The following SPSB1 variants were observed in gnomAD, a reference collection of about 807,000 sequenced individuals.
SPSB1 encodes SPRY domain-containing SOCS box protein 1.
SPSB1 carries 8 observed loss-of-function variants against 21.2 expected under a neutral mutation model. The ratio of observed to expected loss-of-function variants is 0.38; its 90% confidence interval spans 0.22 to 0.68. The LOEUF (loss-of-function observed/expected upper bound fraction) is 0.68. SPSB1 is among the 30% of genes least tolerant of loss of function. The probability of loss-of-function intolerance (pLI) is 0.53; values close to 1 mark genes in which losing one functional copy is unlikely to be tolerated. For missense variants in SPSB1, 242 were observed against 377.8 expected (o/e 0.64, Z 2.98); for synonymous variants, 169 against 161.7 (o/e 1.05, Z -0.34).
At position 9,361,156 on chromosome 1, in the gene SPSB1, C is replaced by CCTTTTTTTTTTTTTTTTTTTTT. The variant is rs1553128958; in HGVS notation, c.694+4571_694+4572insCTTTTTTTTTTTTTTTTTTTTT. On this transcript the variant is annotated intron_variant, in intron 2 of 2. Coordinates refer to ENST00000328089, the MANE Select transcript of SPSB1 (RefSeq NM_025106.4). The stretch of plus-strand genomic sequence containing the variant: ...CAGGCATGGCTGGATCTGTCATTTT[C>CCTTTTTTTTTTTTTTTTTTTTT]TTTTTTTTTTTTTTTTTTTTTTTTT... Among the ~76,000 whole-genome samples, 98 of 102,570 alleles carry CCTTTTTTTTTTTTTTTTTTTTT rather than the reference C, an allele frequency of 9.6e-4. 18 individuals carry two copies. The highest frequency in any genetic ancestry group is 1.5e-3 in the East Asian group (5 of 3,420). 67.3% of individuals were successfully genotyped at this position (102,570 alleles called of 152,430 possible).
intron 1 of SPSB1, among the ~76,000 whole-genome samples, chr1:9,300,090 C>T (rs954856087): frequency 9.2e-5 from 14 of 151,814 alleles, no homozygotes; most frequent in Middle Eastern, 3.2e-3. Flanking sequence ...ACATGTCAAG[C>T]GATGGGAAAT....
intron 2 of SPSB1, among the ~76,000 whole-genome samples, chr1:9,358,655 C>A (rs1157594848): frequency 6.6e-6 from 1 of 152,242 alleles, no homozygotes. Context: ...AATGTCCATT[C>A]TTTGCAGACA....
chr1:9,310,338 CAT>C (rs1206279852), intron 1 of SPSB1, among the ~76,000 whole-genome samples: 1 of 152,198 alleles, frequency 6.6e-6, no homozygotes, highest in African/African-American at 2.4e-5. Context: ...AAAGGCATCT[CAT>C]GTGAGGTTCT....
intron 2 of SPSB1, among the ~76,000 whole-genome samples, chr1:9,361,159 T>C (rs1337802440): frequency 0.034 from 1,144 of 33,224 alleles, 165 homozygotes; most frequent in East Asian, 0.079. Context: ...TCATTTTCTT[T>C]TTTTTTTTTT....
At chr1:9,323,760 G>T (rs1639765406) in intron 1 of SPSB1, among the ~76,000 whole-genome samples, 1 of 152,148 alleles carries the variant, frequency 6.6e-6, no homozygotes, top group South Asian at 2.1e-4. Context: ...AGGCCTCAGT[G>T]AGACAGTGCT....
At chr1:9,313,462 G>T (rs1231030750) in intron 1 of SPSB1, among the ~76,000 whole-genome samples, 2 of 152,202 alleles carry the variant, frequency 1.3e-5, no homozygotes, top group African/African-American at 2.4e-5. Flanking sequence ...GCACAGCCAA[G>T]AACTCAAGCT....
intron 1 of SPSB1, among the ~76,000 whole-genome samples, chr1:9,325,215 T>TCC (rs1264494421): frequency 8.7e-4 from 22 of 25,322 alleles, no homozygotes; most frequent in Non-Finnish European, 1.1e-3. Flanking sequence ...AGCCAATGCC[T>TCC]CCCACCACCA....
chr1:9,316,219 TG>T (rs1639610561), intron 1 of SPSB1, among the ~76,000 whole-genome samples: 1 of 152,088 alleles, frequency 6.6e-6, no homozygotes, highest in African/African-American at 2.4e-5. Flanking sequence ...TCCCTGACCC[TG>T]GGGCTCCGGC....
At chr1:9,304,351 A>C (rs1639379391) in intron 1 of SPSB1, among the ~76,000 whole-genome samples, 1 of 152,260 alleles carries the variant, frequency 6.6e-6, no homozygotes, top group East Asian at 1.9e-4. Context: ...CTCAGCCTCC[A>C]TAACCGATGA....
intron 2 of SPSB1, among the ~76,000 whole-genome samples, chr1:9,360,939 C>T (rs1354878038): frequency 1.3e-5 from 2 of 152,116 alleles, no homozygotes; most frequent in East Asian, 1.9e-4. Context: ...GAAAGATGAG[C>T]CCGGAGCTCC....
chr1:9,328,056 T>C (rs1162493492), intron 1 of SPSB1, among the ~76,000 whole-genome samples: 5 of 152,224 alleles, frequency 3.3e-5, no homozygotes, highest in Non-Finnish European at 7.3e-5. Flanking sequence ...GTGTGGACTT[T>C]TCAGAGAGTT....
At chr1:9,334,514 C>A (rs1416744141) in intron 1 of SPSB1, among the ~76,000 whole-genome samples, 1 of 152,242 alleles carries the variant, frequency 6.6e-6, no homozygotes, top group Non-Finnish European at 1.5e-5. Flanking sequence ...AGCCACCGTG[C>A]CTGGCCAAAT....
chr1:9,331,911 C>G (rs1639927991), intron 1 of SPSB1, among the ~76,000 whole-genome samples: 1 of 152,154 alleles, frequency 6.6e-6, no homozygotes, highest in African/African-American at 2.4e-5. Flanking sequence ...TTTACTTTTT[C>G]TTTGCATTGT....
Position 9,348,872 on chromosome 1 carries a change from AAC to A in SPSB1, c.-149-6868_-149-6867del, listed in dbSNP as rs1640205332. ...CACCCCGTCCCATGGCTGCTCTGGA[AAC>A]ACTGGGTTGAGGGCTTTTGCCGTCA... On this transcript the variant is annotated intron_variant, in intron 1 of 2. Transcript: ENST00000328089. This position sits in a 1 kb window ranked among gnomAD's most constrained non-coding sequence, Gnocchi z 4.8. Among the ~76,000 whole-genome samples the A allele has an allele frequency of 6.6e-6, 1 of 151,656 alleles. No homozygotes were observed. The highest frequency in any genetic ancestry group is 2.1e-4 in the South Asian group (1 of 4,810).
At chr1:9,298,185 G>A (rs925392698) in intron 1 of SPSB1, among the ~76,000 whole-genome samples, 1 of 152,182 alleles carries the variant, frequency 6.6e-6, no homozygotes, top group Non-Finnish European at 1.5e-5. Context: ...CAGGAAACCC[G>A]TGAAATTCTT....
chr1:9,305,405 C>T lies in SPSB1; in HGVS notation c.-150+12334C>T, dbSNP rs138743235. 6.6e-6 allele frequency among the ~76,000 whole-genome samples: 1 copy of T among 152,330 alleles called. No individual in the cohort carries two copies. Among genetic ancestry groups the T allele is most frequent in the East Asian group, 1.9e-4 (1 of 5,176 alleles). On this transcript the variant is annotated intron_variant, in intron 1 of 2. Transcript: ENST00000328089. This position sits in a 1 kb window ranked among gnomAD's most constrained non-coding sequence, Gnocchi z 4.8. ...GCTGCTGTTGTGGGCAGCCCAGTGA[C>T]CTGTGGGCTCCAGGAGGGCAGGACC...
At chr1:9,300,658 G>A (rs1639313143) in intron 1 of SPSB1, among the ~76,000 whole-genome samples, 2 of 152,210 alleles carry the variant, frequency 1.3e-5, no homozygotes, top group African/African-American at 4.8e-5. Flanking sequence ...CATGAAGTGG[G>A]TGTTATCTAT....
chr1:9,340,868 CA>C (rs1640080468), intron 1 of SPSB1, among the ~76,000 whole-genome samples: 1 of 152,228 alleles, frequency 6.6e-6, no homozygotes. Flanking sequence ...ATGAAACGCA[CA>C]TTTGTAGTCC....
chr1:9,367,527 C>G lies in SPSB1; in HGVS notation c.774C>G (p.His258Gln), dbSNP rs746263749. The G allele has an allele frequency of 6.2e-7, 1 of 1,613,044 alleles. No individual in the cohort carries two copies. Among genetic ancestry groups the G allele is most frequent in the Admixed American group, 1.7e-5 (1 of 59,988 alleles). The part of the protein sequence containing the change: ...ALGRERLGEI[H>Q]TLPLPASLKA... ...GGAGGGAGCGCCTGGGGGAGATCCA[C>G]ACGCTGCCGCTGCCGGCTTCCCTCA... The change falls in exon 3 of 3, where the codon CAC (histidine) becomes CAG (glutamine). Residue 258 changes from histidine to glutamine, a missense_variant. Transcript: ENST00000328089. This position sits in a 1 kb window ranked among gnomAD's most constrained non-coding sequence, Gnocchi z 5.9.
Sources: gnomAD v4.1 joint callset for allele counts (sites outside exome capture counted in the v4.1 genomes callset) on GRCh38, gnomAD v4.1.1 for gene constraint, Gnocchi (gnomAD v3.1) non-coding constraint, MANE v1.5 for transcripts, NCBI Gene and HGNC (gene_info 2026-07-23, HGNC 2026-07-21) for gene names.